NHSL2: variants seen among roughly 807,000 people sequenced by gnomAD.
NHSL2 encodes the protein NHS-like protein 2.
Under a neutral mutation model 53.4 loss-of-function variants are expected in NHSL2, and 27 were observed. The ratio of observed to expected loss-of-function variants is 0.51; its 90% CI spans 0.37 to 0.70. The LOEUF (loss-of-function observed/expected upper bound fraction) is 0.70. Ranked by LOEUF, NHSL2 falls within the 30% of genes least tolerant of loss-of-function variation. The probability of loss-of-function intolerance (pLI) is 0.00; values close to 1 mark genes in which losing one functional copy is unlikely to be tolerated. For synonymous variants in NHSL2, 408 were observed against 404.1 expected (o/e 1.01, Z -0.12); for missense variants, 892 against 980.1 (o/e 0.91, Z 1.20).
At chrX:72,060,626 C>A (rs970327648) in intron 1 of NHSL2, among the ~76,000 whole-genome samples, 2 of 112,275 alleles carry the variant, frequency 1.8e-5, no homozygotes, top group African/African-American at 6.5e-5. Context: ...GAAGACACAG[C>A]CTTCGGACCC....
rs1341379979 is a variant in NHSL2 at position 72,137,206 on chromosome X, C to T, written c.873C>T (p.Asn291=). 2.6e-6 allele frequency: 3 copies of T among 1,166,818 alleles called. No homozygotes were observed. Among genetic ancestry groups the T allele is most frequent in the East Asian group, 6.5e-5 (2 of 30,759 alleles). Residue 291 remains asparagine (N), a synonymous_variant, in exon 5 of 8, where the codon AAC becomes AAT. Transcript: ENST00000633930. Reference sequence around the variant, plus strand: ...GGCGGACCATTATTGGATTCTCTAACTTTTCCCAGCGAGACCAAGGTGACC... The same window carrying T: ...GGCGGACCATTATTGGATTCTCTAATTTTTCCCAGCGAGACCAAGGTGACC... ...RRRRTIIGFS[N]FSQRDQGHSN... is the part of the protein sequence containing the mutation.
intron 1 of NHSL2, among the ~76,000 whole-genome samples, chrX:72,095,324 ATCT>A (rs766498022): frequency 4.4e-5 from 5 of 112,636 alleles, no homozygotes; most frequent in Admixed American, 2.8e-4. Context: ...TGTAAAAGAA[ATCT>A]TCTTGAGATG....
intron 1 of NHSL2, among the ~76,000 whole-genome samples, chrX:71,939,180 G>T (rs186254447): frequency 3.1e-4 from 35 of 111,450 alleles, no homozygotes; most frequent in African/African-American, 9.1e-4. Flanking sequence ...AAGGAAGGAA[G>T]TTGCAGAAAG....
chrX:72,053,947 C>T (rs1033932910), intron 1 of NHSL2, among the ~76,000 whole-genome samples: 1 of 111,766 alleles, frequency 8.9e-6, no homozygotes, highest in Non-Finnish European at 1.9e-5. Flanking sequence ...ACACTCACAG[C>T]GAGCTCCTTG....
At chrX:71,991,815 TC>T (rs2042027992) in intron 1 of NHSL2, among the ~76,000 whole-genome samples, 1 of 55,932 alleles carries the variant, frequency 1.8e-5, no homozygotes. Flanking sequence ...TGTGTCTTTC[TC>T]TTTCTCTCTC....
chrX:71,917,282 C>T (rs1256345442), intron 1 of NHSL2, among the ~76,000 whole-genome samples: 1 of 85,302 alleles, frequency 1.2e-5, no homozygotes, highest in Non-Finnish European at 2.3e-5. Flanking sequence ...CCCTCCCTCC[C>T]TCCTTTCCTC....
At position 72,150,146 on chromosome X, in the gene NHSL2, A is replaced by G. The variant is rs967408799; in HGVS notation, c.*6572A>G. ...AAGACAAATTGGATTTTCAGTTTAT[A>G]AACATTAGTTTCCCTCCAAATTCAA... On this transcript the variant is annotated 3_prime_UTR_variant, in exon 8 of 8. Coordinates refer to ENST00000633930, the MANE Select transcript of NHSL2 (RefSeq NM_001013627.3). 3.5e-5 allele frequency: 4 copies of G among 112,848 alleles called. No individual in the cohort carries two copies. The highest frequency in any genetic ancestry group is 1.3e-4 in the African/African-American group (4 of 31,055). The allele number at this position is 112,848 out of a possible 1,213,427, so 9.3% of individuals were successfully genotyped here. A position where few individuals can be genotyped will look rare whatever the true frequency, so the allele number is the denominator to read the frequency against.
At chrX:72,120,034 A>G (rs1181128632) in intron 1 of NHSL2, among the ~76,000 whole-genome samples, 2 of 112,757 alleles carry the variant, frequency 1.8e-5, no homozygotes, top group Admixed American at 1.9e-4. Context: ...ATGTTAAAAC[A>G]ATCTTGCATT....
intron 1 of NHSL2, 21 bp downstream of exon 1, chrX:71,911,388 G>A (rs1488810610): frequency 4.8e-6 from 5 of 1,040,447 alleles, no homozygotes; most frequent in Non-Finnish European, 6.2e-6. Flanking sequence ...CGCCCCGGTG[G>A]CTCGCGGCCC....
At position 72,131,092 on chromosome X, in the gene NHSL2, C is replaced by T. The variant is rs1569483006; in HGVS notation, c.281-987C>T. On this transcript the variant is annotated intron_variant, in intron 1 of 7. Coordinates refer to ENST00000633930, the MANE Select transcript of NHSL2 (RefSeq NM_001013627.3). ...TCCTGAAAAGGGCTCTATCTCAGGC[C>T]GCTCCAGCGGTGCCAGAGGGGGTTG... 1.7e-6 allele frequency: 2 copies of T among 1,205,835 alleles called. No homozygotes were observed. The highest frequency in any genetic ancestry group is 2.2e-6 in the Non-Finnish European group (2 of 893,649).
rs766144046 is a variant in NHSL2, at chrX:72,049,015, G to GAAGAAGAAGAAGAAGAAGAAGAAGAA, written c.281-83064_281-83063insAAGAAGAAGAAGAAGAAGAAGAAGAA. ...AAGAAGAAGAAGAAGAAGAAGAAGAGGAAGAGGAAGAGGAAGAGGAAGAGG... is the reference window on the plus strand; with the variant it reads ...AAGAAGAAGAAGAAGAAGAAGAAGAGAAGAAGAAGAAGAAGAAGAAGAAGAAGAAGAGGAAGAGGAAGAGGAAGAGG... On this transcript the variant is annotated intron_variant, in intron 1 of 7. Coordinates refer to ENST00000633930, the MANE Select transcript of NHSL2 (RefSeq NM_001013627.3). Among the ~76,000 whole-genome samples, 577 of 82,605 alleles carry GAAGAAGAAGAAGAAGAAGAAGAAGAA rather than the reference G, an allele frequency of 7.0e-3. 8 individuals are homozygous for GAAGAAGAAGAAGAAGAAGAAGAAGAA. Among genetic ancestry groups the GAAGAAGAAGAAGAAGAAGAAGAAGAA allele is most frequent in the African/African-American group, 0.029 (378 of 13,257 alleles). 71.7% of individuals were successfully genotyped at this position (82,605 alleles called of 115,157 possible). A position where few individuals can be genotyped will look rare whatever the true frequency, so the allele number is the denominator to read the frequency against.
At chrX:72,107,557 T>A (rs916696332) in intron 1 of NHSL2, among the ~76,000 whole-genome samples, 1 of 111,867 alleles carries the variant, frequency 8.9e-6, no homozygotes, top group Non-Finnish European at 1.9e-5. Flanking sequence ...ATAGATGATG[T>A]CATTGCTCTG....
At chrX:72,051,039 A>G (rs1377156164) in intron 1 of NHSL2, among the ~76,000 whole-genome samples, 1 of 111,971 alleles carries the variant, frequency 8.9e-6, no homozygotes, top group Non-Finnish European at 1.9e-5. Flanking sequence ...CATAAATGGT[A>G]TGTACTATTT....
At chrX:71,924,315 A>G (rs2147816011) in intron 1 of NHSL2, among the ~76,000 whole-genome samples, 1 of 111,561 alleles carries the variant, frequency 9.0e-6, no homozygotes, top group Non-Finnish European at 1.9e-5. Context: ...ATTTCTATTC[A>G]GGCATTCCTT....
intron 1 of NHSL2, among the ~76,000 whole-genome samples, chrX:71,977,448 G>A (rs746761289): frequency 1.1e-5 from 1 of 92,548 alleles, no homozygotes; most frequent in African/African-American, 3.9e-5. Flanking sequence ...TTTTGACAGC[G>A]CCTCACTTTG....
At chrX:72,095,988 G>A (rs980371712) in intron 1 of NHSL2, among the ~76,000 whole-genome samples, 1 of 110,644 alleles carries the variant, frequency 9.0e-6, no homozygotes, top group Non-Finnish European at 1.9e-5. Flanking sequence ...GATTACAGTG[G>A]TCATCAAAAC....
At chrX:72,073,013 G>A (rs1286395253) in intron 1 of NHSL2, among the ~76,000 whole-genome samples, 1 of 112,086 alleles carries the variant, frequency 8.9e-6, no homozygotes, top group Non-Finnish European at 1.9e-5. Flanking sequence ...AATCCTCAGG[G>A]GGATCCTTAG....
intron 1 of NHSL2, among the ~76,000 whole-genome samples, chrX:71,925,860 G>A (rs2041682125): frequency 9.0e-6 from 1 of 111,628 alleles, no homozygotes; most frequent in African/African-American, 3.3e-5. Flanking sequence ...CAATTTGAAT[G>A]CCCATCCATG....
intron 1 of NHSL2, among the ~76,000 whole-genome samples, chrX:72,000,743 T>C (rs1371887176): frequency 8.9e-6 from 1 of 111,922 alleles, no homozygotes; most frequent in East Asian, 2.8e-4. Flanking sequence ...CTCTCCAGCC[T>C]CCCGCTTTCA....
Sources: gnomAD v4.1 joint callset for allele counts (sites outside exome capture counted in the v4.1 genomes callset) on GRCh38, gnomAD v4.1.1 for gene constraint, MANE v1.5 for transcripts, NCBI Gene and HGNC (gene_info 2026-07-23, HGNC 2026-07-21) for gene names.